Variants in CAMKK2 observed in about 807,000 individuals in gnomAD.
CAMKK2 encodes the protein calcium/calmodulin dependent protein kinase kinase 2.
A neutral mutation model predicts 67.2 loss-of-function variants in CAMKK2; 30 were observed. The ratio of observed to expected loss-of-function variants is 0.45; its 90% CI spans 0.33 to 0.61. The LOEUF is 0.61. Among genes scored for constraint, CAMKK2 ranks in the 20% least tolerant of loss-of-function variants. The pLI is 0.02. For synonymous variants in CAMKK2, 322 were observed against 326.2 expected, an observed-to-expected ratio of 0.99 and a Z score of 0.14; for missense variants, 643 against 802.0, an observed-to-expected ratio of 0.80 and a Z score of 2.39.
At chr12:121,270,446 C>A (rs1895535811) in intron 3 of CAMKK2, among the ~76,000 whole-genome samples, 1 of 151,972 alleles carries the variant, frequency 6.6e-6, no homozygotes, top group Non-Finnish European at 1.5e-5. Flanking sequence ...GCCCTCATTT[C>A]CATATGTTAA....
chr12:121,260,413 A>C, intron 6 of CAMKK2, 58 bp from the exon 7 acceptor site: 1 of 1,523,298 alleles, frequency 6.6e-7, no homozygotes, highest in Non-Finnish European at 9.0e-7. Flanking sequence ...AAAAGAGAGA[A>C]TAGATATGAG....
In CAMKK2 at chr12:121,245,479, C is replaced by T. The variant is rs1217694119; in HGVS notation, c.1453-239G>A. On this transcript the variant is annotated intron_variant, in intron 14 of 16. Coordinates refer to ENST00000404169, the MANE Select transcript of CAMKK2 (RefSeq NM_001270485.2). This position sits in a 1 kb window ranked among gnomAD's most constrained non-coding sequence, Gnocchi z 5.8. ...CTCAGCCACTGCTCAGCGTCTCTCC[C>T]AGGCCTCCCTGCTTTCCACCTCCCT... Among the ~76,000 whole-genome samples, 2 of 152,220 alleles carry T rather than the reference C, an allele frequency of 1.3e-5. No individual in the cohort carries two copies. Among genetic ancestry groups the T allele is most frequent in the Non-Finnish European group, 2.9e-5 (2 of 68,052 alleles).
chr12:121,271,391 C>G (rs975291545), intron 2 of CAMKK2, among the ~76,000 whole-genome samples: 1 of 152,022 alleles, frequency 6.6e-6, no homozygotes. Flanking sequence ...CCACTCGCAC[C>G]TCTGCCCTCC....
intron 11 of CAMKK2, 98 bp from the exon 12 acceptor site, chr12:121,250,132 G>A: frequency 1.1e-6 from 1 of 931,970 alleles, no homozygotes; most frequent in African/African-American, 1.6e-5. Context: ...ATACAGCAGA[G>A]AAATCAACAA....
intron 11 of CAMKK2, 92 bp downstream of exon 11, chr12:121,252,569 T>C: frequency 2.4e-6 from 3 of 1,269,578 alleles, no homozygotes; most frequent in East Asian, 2.4e-5. Flanking sequence ...AAAATAACTC[T>C]TAAATAAGTA....
In CAMKK2 at chr12:121,253,223, A is replaced by T. The variant is rs1377577943; in HGVS notation, c.1107+50T>A. The T allele has an allele frequency of 6.5e-7, 1 of 1,528,460 alleles. No homozygotes were observed. Among genetic ancestry groups the T allele is most frequent in the Non-Finnish European group, 9.1e-7 (1 of 1,103,848 alleles). 94.7% of individuals were successfully genotyped at this position (1,528,460 alleles called of 1,614,324 possible). ...TGGGTTTCTGCTGCTTACAATCCAG[A>T]AGACACTAACACAGGCAGAACTCTG... is the stretch of plus-strand genomic sequence containing the variant. On this transcript the variant is annotated intron_variant, in intron 10 of 16. Coordinates refer to ENST00000404169, the MANE Select transcript of CAMKK2 (RefSeq NM_001270485.2). This position sits in a 1 kb window ranked among gnomAD's most constrained non-coding sequence, Gnocchi z 5.0.
At chr12:121,270,748 C>A in intron 3 of CAMKK2, 150 bp downstream of exon 3, 1 of 623,724 alleles carries the variant, frequency 1.6e-6, no homozygotes, top group South Asian at 2.2e-5. Flanking sequence ...AAAACTAAAC[C>A]AAAAACCTAG....
intron 5 of CAMKK2, among the ~76,000 whole-genome samples, chr12:121,265,420 G>A (rs1041311116): frequency 2.6e-5 from 4 of 152,128 alleles, no homozygotes; most frequent in Admixed American, 2.0e-4. Context: ...TGCCTGCTGG[G>A]GAAAGGGAGG....
chr12:121,248,708 C>T lies in CAMKK2; in HGVS notation c.1350G>A (p.Gly450=). Residue 450 remains glycine, a synonymous_variant, in exon 14 of 17, where the codon GGG becomes GGA. Coordinates refer to ENST00000404169, the MANE Select transcript of CAMKK2 (RefSeq NM_001270485.2). ...CATCCTCCGACGGCAACGGCTCCGC[C>T]CCATGCCTCGTGACCCAGGGGTGCA... ...IKLHPWVTRH[G]AEPLPSEDEN... 1 of 1,614,176 alleles carries T rather than the reference C, an allele frequency of 6.2e-7. No homozygotes were observed. Among genetic ancestry groups the T allele is most frequent in the Admixed American group, 1.7e-5 (1 of 60,028 alleles).
At chr12:121,292,564 G>A (rs1162476720) in intron 1 of CAMKK2, among the ~76,000 whole-genome samples, 2 of 152,184 alleles carry the variant, frequency 1.3e-5, no homozygotes, top group African/African-American at 2.4e-5. Context: ...AGACACAGAC[G>A]CAAGGCTGAG....
At chr12:121,294,107 A>C (rs1232860730) in intron 1 of CAMKK2, among the ~76,000 whole-genome samples, 2 of 151,554 alleles carry the variant, frequency 1.3e-5, no homozygotes, top group African/African-American at 4.9e-5. Flanking sequence ...TAATTTTTGT[A>C]TTTTTAGTAG....
At chr12:121,259,482 G>A (rs1054973702) in intron 7 of CAMKK2, among the ~76,000 whole-genome samples, 1 of 152,172 alleles carries the variant, frequency 6.6e-6, no homozygotes, top group Non-Finnish European at 1.5e-5. Flanking sequence ...TGGATCTGGG[G>A]TCCCAAGTGA....
intron 13 of CAMKK2, 75 bp from the exon 14 acceptor site, chr12:121,248,809 C>T (rs1216189814): frequency 6.4e-7 from 1 of 1,564,332 alleles, no homozygotes; most frequent in African/African-American, 1.4e-5. Context: ...AGCGGAGCCA[C>T]AAGGGCATGC....
chr12:121,274,099 C>CGCCGGGGCA lies in CAMKK2; in HGVS notation c.419_427dup (p.Leu140_Arg142dup), dbSNP rs779260752. ...GACGTGGTGAGACTCCACTGTCGGC[C>CGCCGGGGCA]GCCGGGGCAGCCGAGGCGAGGACTG... On this transcript the variant is annotated inframe_insertion, in exon 2 of 17. Coordinates refer to ENST00000404169, the MANE Select transcript of CAMKK2 (RefSeq NM_001270485.2). The CGCCGGGGCA allele has an allele frequency of 2.0e-6, 3 of 1,533,414 alleles. No homozygotes were observed. Among genetic ancestry groups the CGCCGGGGCA allele is most frequent in the Non-Finnish European group, 2.6e-6 (3 of 1,140,258 alleles). 95.0% of individuals were successfully genotyped at this position (1,533,414 alleles called of 1,614,324 possible).
intron 1 of CAMKK2, among the ~76,000 whole-genome samples, chr12:121,281,702 C>T (rs964796046): frequency 6.6e-6 from 1 of 152,190 alleles, no homozygotes; most frequent in Non-Finnish European, 1.5e-5. Flanking sequence ...AATCCCAGCA[C>T]TTTGGGAGGC....
rs946827900 is a variant in CAMKK2 at position 121,253,658 on chromosome 12, G to C, written c.908-186C>G. On this transcript the variant is annotated intron_variant, in intron 9 of 16. Transcript: ENST00000404169. The surrounding 1 kb of genome is among the most constrained non-coding windows in gnomAD (Gnocchi z 5.0). ...GGCACTGACATGCTCTAAAAGATGA[G>C]GGGAAAAGTGTCTTCAAGGAAGTCC... Among the ~76,000 whole-genome samples the C allele has an allele frequency of 2.0e-5, 3 of 152,112 alleles. No individual in the cohort carries two copies. The highest frequency in any genetic ancestry group is 7.2e-5 in the African/African-American group (3 of 41,406).
intron 1 of CAMKK2, among the ~76,000 whole-genome samples, chr12:121,294,841 G>T (rs1215107286): frequency 1.3e-5 from 2 of 152,214 alleles, no homozygotes; most frequent in Admixed American, 6.5e-5. Flanking sequence ...CAGGCAGCAA[G>T]AACTCAATAG....
intron 1 of CAMKK2, among the ~76,000 whole-genome samples, chr12:121,279,910 C>T (rs2136508390): frequency 6.6e-6 from 1 of 152,386 alleles, no homozygotes. Flanking sequence ...GGGGCTGTTT[C>T]CAACCTGCAT....
chr12:121,270,573 C>A (rs1895561295), intron 3 of CAMKK2, among the ~76,000 whole-genome samples: 1 of 152,106 alleles, frequency 6.6e-6, no homozygotes, highest in Middle Eastern at 3.4e-3. Flanking sequence ...TGATGATACC[C>A]CCCATTAGCT....
Sources: allele counts gnomAD v4.1 joint callset (sites outside exome capture counted in the v4.1 genomes callset), GRCh38; gene constraint gnomAD v4.1.1; non-coding constraint Gnocchi (gnomAD v3.1); transcripts MANE v1.5; gene names NCBI Gene and HGNC (gene_info 2026-07-23, HGNC 2026-07-21).